The following TECPR2 variants were observed in gnomAD, a reference collection of about 807,000 sequenced individuals.
TECPR2 encodes tectonin beta-propeller repeat-containing protein 2.
In TECPR2, 65 loss-of-function variants were observed where a neutral mutation model predicts 138.1. The ratio of observed to expected loss-of-function variants is 0.47; its 90% CI spans 0.39 to 0.58. TECPR2 has a LOEUF of 0.58. TECPR2 is among the 20% of genes least tolerant of loss of function. The pLI is 0.00. For missense variants in TECPR2, 1,553 were observed against 1,824.5 expected, an observed-to-expected ratio of 0.85 and a Z score of 2.71; for synonymous variants, 746 against 749.8, an observed-to-expected ratio of 0.99 and a Z score of 0.08.
chr14:102,436,000 C>CT (rs1295887216), intron 9 of TECPR2, among the ~76,000 whole-genome samples: 1 of 152,254 alleles, frequency 6.6e-6, no homozygotes, highest in Non-Finnish European at 1.5e-5. Flanking sequence ...ACGCTGGCTT[C>CT]TGTCAGTGCT....
intron 17 of TECPR2, among the ~76,000 whole-genome samples, chr14:102,473,665 G>A (rs1890695329): frequency 1.3e-5 from 2 of 152,164 alleles, no homozygotes; most frequent in South Asian, 4.1e-4. Context: ...TTGCGGTAAA[G>A]TTTTAACAAA....
At chr14:102,466,588 G>A (rs1445830380) in intron 17 of TECPR2, among the ~76,000 whole-genome samples, 2 of 152,120 alleles carry the variant, frequency 1.3e-5, no homozygotes, top group African/African-American at 4.8e-5. Context: ...CCGCACCCAG[G>A]TGGACTCCTT....
At chr14:102,456,179 G>T (rs562509374) in intron 16 of TECPR2, among the ~76,000 whole-genome samples, 30 of 152,322 alleles carry the variant, frequency 2.0e-4, no homozygotes, top group Non-Finnish European at 3.1e-4. Context: ...GCTGTGACAC[G>T]TCTTGCTTGG....
rs199662853 is a variant in TECPR2, at chr14:102,435,224, G to A, written c.2394+13G>A. ...CAAGCCAGATCAGGTATGTGGGTTC[G>A]GGTGGTGGGAAAAGTAGCTGAGGCT... On this transcript the variant is annotated intron_variant, in intron 9 of 19. Transcript: ENST00000359520. 2.2e-5 allele frequency: 35 copies of A among 1,576,820 alleles called. No individual in the cohort carries two copies. Among genetic ancestry groups the A allele is most frequent in the Admixed American group, 1.3e-4 (7 of 55,844 alleles).
At chr14:102,433,262 G>T (rs1344435031) in intron 8 of TECPR2, among the ~76,000 whole-genome samples, 1 of 151,660 alleles carries the variant, frequency 6.6e-6, no homozygotes. Flanking sequence ...CACCCAGGTA[G>T]TGAGCACAGT....
At chr14:102,407,489 C>G (rs766043490) in intron 3 of TECPR2, 23 bp downstream of exon 3, 2 of 1,584,900 alleles carry the variant, frequency 1.3e-6, no homozygotes, top group Middle Eastern at 1.7e-4. Flanking sequence ...GATCTTAACA[C>G]GTGTTAACTT....
intron 1 of TECPR2, among the ~76,000 whole-genome samples, chr14:102,368,182 T>A (rs1887397879): frequency 6.6e-6 from 1 of 151,632 alleles, no homozygotes; most frequent in Admixed American, 6.6e-5. Context: ...CTAATTTTTG[T>A]GTTTTTGGTA....
At chr14:102,418,126 G>A (rs540241963) in intron 5 of TECPR2, among the ~76,000 whole-genome samples, 122 of 152,222 alleles carry the variant, frequency 8.0e-4, no homozygotes, top group African/African-American at 2.7e-3. Flanking sequence ...TCTGTGGACC[G>A]GTCTGGAGCC....
chr14:102,488,361 C>T (rs1891084145), intron 17 of TECPR2, among the ~76,000 whole-genome samples: 6 of 145,152 alleles, frequency 4.1e-5, no homozygotes, highest in South Asian at 2.2e-4. Context: ...TTTTTTGATA[C>T]GTAGTTTCAC....
chr14:102,396,252 A>G (rs990972580), intron 2 of TECPR2, among the ~76,000 whole-genome samples: 5 of 151,790 alleles, frequency 3.3e-5, no homozygotes, highest in African/African-American at 9.7e-5. Context: ...ACAGGCACAC[A>G]CCACCACGCC....
At chr14:102,428,033 G>A (rs1889371638) in intron 6 of TECPR2, among the ~76,000 whole-genome samples, 1 of 152,138 alleles carries the variant, frequency 6.6e-6, no homozygotes, top group African/African-American at 2.4e-5. Context: ...AGATGACCGA[G>A]GCCCCACCAT....
chr14:102,497,192 C>G (rs952958299), intron 18 of TECPR2, 72 bp downstream of exon 18: 1 of 1,541,504 alleles, frequency 6.5e-7, no homozygotes, highest in African/African-American at 1.4e-5. Flanking sequence ...GCTGGGCGCT[C>G]CCTCCAGGCC....
chr14:102,477,945 A>AAG (rs1204896624), intron 17 of TECPR2, among the ~76,000 whole-genome samples: 1 of 147,894 alleles, frequency 6.8e-6, no homozygotes, highest in Non-Finnish European at 1.5e-5. Flanking sequence ...AAAAAAAAAA[A>AAG]AAAAAAAAAA....
In TECPR2 at chr14:102,382,853, G is replaced by C. The variant is rs543833602; in HGVS notation, c.219+5913G>C. ...GGCTCACTGCAACCTCCGTCCCCCG[G>C]GTTCAAGTGATTCTTGCCTCAGCCT... On this transcript the variant is annotated intron_variant, in intron 2 of 19. Coordinates refer to ENST00000359520, the MANE Select transcript of TECPR2 (RefSeq NM_014844.5). Among the ~76,000 whole-genome samples the C allele has an allele frequency of 2.2e-3, 330 of 152,076 alleles. 3 individuals carry two copies. The highest frequency in any genetic ancestry group is 7.6e-3 in the African/African-American group (314 of 41,456).
chr14:102,406,344 C>G lies in TECPR2; in HGVS notation c.220-994C>G, dbSNP rs1016462801. On this transcript the variant is annotated intron_variant, in intron 2 of 19. Coordinates refer to ENST00000359520, the MANE Select transcript of TECPR2 (RefSeq NM_014844.5). ...CGGGCAGATCACGAGGTCAGGAGAT[C>G]GAGACCATCCTGCCTAACACGGTGA... Among the ~76,000 whole-genome samples, 138 of 150,820 alleles carry G rather than the reference C, an allele frequency of 9.1e-4. 2 individuals carry two copies. Among genetic ancestry groups the G allele is most frequent in the Non-Finnish European group, 1.0e-4 (7 of 67,744 alleles).
intron 2 of TECPR2, among the ~76,000 whole-genome samples, chr14:102,384,836 TTTTCC>T: frequency 6.7e-6 from 1 of 148,444 alleles, no homozygotes; most frequent in Admixed American, 6.7e-5. Flanking sequence ...ACTCATTTTC[TTTTCC>T]TTTCCTTTTT....
chr14:102,494,725 G>A (rs139707002), intron 17 of TECPR2, among the ~76,000 whole-genome samples: 3,083 of 151,840 alleles, frequency 0.02, 46 homozygotes, highest in African/African-American at 0.027. Context: ...TCGGGAGGCT[G>A]AGGCAGGAGA....
chr14:102,363,571 G>A (rs1887252472), intron 1 of TECPR2, among the ~76,000 whole-genome samples: 1 of 152,288 alleles, frequency 6.6e-6, no homozygotes, highest in African/African-American at 2.4e-5. Context: ...TCCAGTTGGT[G>A]TTCAGTGTTC....
At chr14:102,459,781 T>G (rs1890360791) in intron 16 of TECPR2, among the ~76,000 whole-genome samples, 1 of 151,998 alleles carries the variant, frequency 6.6e-6, no homozygotes, top group Non-Finnish European at 1.5e-5. Context: ...CCAAAAAATC[T>G]TGTTAGAGAT....
Sources: allele counts gnomAD v4.1 joint callset (sites outside exome capture counted in the v4.1 genomes callset), GRCh38; gene constraint gnomAD v4.1.1; transcripts MANE v1.5; gene names NCBI Gene and HGNC (gene_info 2026-07-23, HGNC 2026-07-21).